KYAT3: variants seen among roughly 807,000 people sequenced by gnomAD.
KYAT3 encodes kynurenine--oxoglutarate transaminase 3.
Under a neutral mutation model 59.0 loss-of-function variants are expected in KYAT3, and 50 were observed. The ratio of observed to expected loss-of-function variants is 0.85; its 90% confidence interval spans 0.68 to 1.07. The LOEUF (loss-of-function observed/expected upper bound fraction) is 1.07, where lower values mean the gene tolerates loss of function less well. Ranked by LOEUF, KYAT3 falls within the 50% of genes least tolerant of loss-of-function variation. KYAT3 has a pLI of 0.00. For missense variants in KYAT3, 497 were observed against 533.3 expected (o/e 0.93, Z 0.67); for synonymous variants, 148 against 177.0 (o/e 0.84, Z 1.30).
At chr1:88,939,841 C>T (rs1468895589) in intron 13 of KYAT3, among the ~76,000 whole-genome samples, 1 of 152,016 alleles carries the variant, frequency 6.6e-6, no homozygotes, top group African/African-American at 2.4e-5. Flanking sequence ...TCTGATAGCT[C>T]CCATTTGATC....
At chr1:88,943,666 A>C (rs2101019002) in intron 11 of KYAT3, among the ~76,000 whole-genome samples, 1 of 152,336 alleles carries the variant, frequency 6.6e-6, no homozygotes, top group Admixed American at 6.5e-5. Context: ...GATTAGGCTT[A>C]TACGTGCAGC....
At chr1:88,955,785 G>A (rs1675888322) in intron 8 of KYAT3, among the ~76,000 whole-genome samples, 1 of 152,148 alleles carries the variant, frequency 6.6e-6, no homozygotes, top group Admixed American at 6.6e-5. Flanking sequence ...CAGACCTACT[G>A]AATCAGAAAC....
the KYAT3 span, among the ~76,000 whole-genome samples, chr1:88,929,225 C>T: frequency 4.6e-5 from 7 of 152,054 alleles, no homozygotes; most frequent in African/African-American, 1.2e-4. Flanking sequence ...TGCAATAGCC[C>T]CTGCAATGCT....
At chr1:88,959,800 C>G (rs766903330) in intron 8 of KYAT3, among the ~76,000 whole-genome samples, 3 of 151,646 alleles carry the variant, frequency 2.0e-5, no homozygotes, top group Admixed American at 6.6e-5. Context: ...GTCGCTTTCT[C>G]TTCCCATCTC....
At chr1:88,930,244 A>T in the KYAT3 span, among the ~76,000 whole-genome samples, 2 of 152,184 alleles carry the variant, frequency 1.3e-5, no homozygotes, top group African/African-American at 4.8e-5. Context: ...TACTGTGTGG[A>T]CATCTCATGA....
chr1:88,945,351 C>T (rs1675399719), intron 11 of KYAT3, among the ~76,000 whole-genome samples: 1 of 152,030 alleles, frequency 6.6e-6, no homozygotes, highest in Admixed American at 6.6e-5. Flanking sequence ...TATGAAGGCC[C>T]AAATTTGTTT....
chr1:88,937,701 T>C (rs890134402), intron 13 of KYAT3, among the ~76,000 whole-genome samples: 1 of 152,054 alleles, frequency 6.6e-6, no homozygotes, highest in Admixed American at 6.5e-5. Context: ...ACATCACTGG[T>C]AATAGGAATA....
At chr1:88,942,593 C>T (rs1447797268) in intron 13 of KYAT3, among the ~76,000 whole-genome samples, 1 of 151,724 alleles carries the variant, frequency 6.6e-6, no homozygotes, top group African/African-American at 2.4e-5. Flanking sequence ...GACGGAGTCG[C>T]GCTCTGTTGC....
In KYAT3 at chr1:88,936,043, GTTAACTGC is replaced by G. The variant is rs1675023705; in HGVS notation, c.*132_*139del. 5 of 600,278 alleles carry G rather than the reference GTTAACTGC, an allele frequency of 8.3e-6. No individual in the cohort carries two copies. The highest frequency in any genetic ancestry group is 1.1e-5 in the Non-Finnish European group (4 of 348,242). The allele number at this position is 600,278 out of a possible 1,614,324, so 37.2% of individuals were successfully genotyped here. A position where few individuals can be genotyped will look rare whatever the true frequency, so the allele number is the denominator to read the frequency against. On this transcript the variant is annotated 3_prime_UTR_variant, in exon 14 of 14. Coordinates refer to ENST00000260508, the MANE Select transcript of KYAT3 (RefSeq NM_001008661.3). ...CCCCGAAAATGTTGTTAGGAGTTGG[GTTAACTGC>G]TTTGGAAAAACAATGGAAATATTTA...
Position 88,961,431 on chromosome 1 carries a change from A to C in KYAT3, c.616T>G (p.Ser206Ala). 2 of 1,613,944 alleles carry C rather than the reference A, an allele frequency of 1.2e-6. No homozygotes were observed. The highest frequency in any genetic ancestry group is 8.5e-7 in the Non-Finnish European group (1 of 1,179,888). Reference protein sequence around the residue: ...DPQELESKFNSKTKAIILNTP... With the variant: ...DPQELESKFNAKTKAIILNTP... ...TTTAGTATAATAGCTTTGGTTTTGG[A>C]ATTAAATTTACTTTCCAGTTCTTGA... Residue 206 changes from serine (S) to alanine (A), a missense_variant, in exon 7 of 14, where the codon TCC becomes GCC. Physicochemically the swap from Ser to Ala is moderately conservative, Grantham distance 99. This residue lies in a region of KYAT3 where 469 missense variants were observed against 479.1 expected (regional missense o/e 0.98). Coordinates refer to ENST00000260508, the MANE Select transcript of KYAT3 (RefSeq NM_001008661.3).
At chr1:88,990,294 A>C (rs1677708805) in intron 1 of KYAT3, among the ~76,000 whole-genome samples, 1 of 142,352 alleles carries the variant, frequency 7.0e-6, no homozygotes, top group Non-Finnish European at 1.6e-5. Flanking sequence ...CAAACAAAAA[A>C]CACAAAAAAT....
chr1:88,935,698 G>T, downstream of KYAT3: 1 of 279,304 alleles, frequency 3.6e-6, no homozygotes, highest in Non-Finnish European at 6.6e-6. Flanking sequence ...AACTACAGGT[G>T]GGTACACAAA....
At chr1:88,967,293 T>G (rs971179014) in intron 4 of KYAT3, among the ~76,000 whole-genome samples, 2 of 152,054 alleles carry the variant, frequency 1.3e-5, no homozygotes, top group African/African-American at 4.8e-5. Flanking sequence ...ACAAAACCAT[T>G]AGGCATTTCT....
chr1:88,955,511 C>T (rs1368185272), intron 8 of KYAT3, among the ~76,000 whole-genome samples: 1 of 152,106 alleles, frequency 6.6e-6, no homozygotes, highest in Non-Finnish European at 1.5e-5. Flanking sequence ...AGGCAGTGTT[C>T]CAGACTGCCT....
intron 2 of KYAT3, among the ~76,000 whole-genome samples, chr1:88,978,189 T>C (rs1676887351): frequency 6.6e-6 from 1 of 152,224 alleles, no homozygotes; most frequent in Non-Finnish European, 1.5e-5. Flanking sequence ...CCTTAGCACT[T>C]GTACCACTTC....
intron 2 of KYAT3, among the ~76,000 whole-genome samples, chr1:88,970,237 A>C (rs1413270157): frequency 6.6e-6 from 1 of 152,198 alleles, no homozygotes; most frequent in East Asian, 1.9e-4. Context: ...GGGTTCCATA[A>C]TTATTGCTAA....
intron 10 of KYAT3, among the ~76,000 whole-genome samples, chr1:88,952,511 C>T (rs1675718935): frequency 6.6e-6 from 1 of 152,114 alleles, no homozygotes; most frequent in Non-Finnish European, 1.5e-5. Flanking sequence ...AAGTGTGTTG[C>T]ACCTCCCCAC....
chr1:88,979,071 A>G (rs74100104), intron 2 of KYAT3, among the ~76,000 whole-genome samples: 4,902 of 152,228 alleles, frequency 0.032, 278 homozygotes, highest in African/African-American at 0.11. Flanking sequence ...TCTCTTAGTT[A>G]TGTGAGAGAA....
the KYAT3 span, chr1:88,923,780 C>G: frequency 7.0e-6 from 2 of 286,870 alleles, no homozygotes; most frequent in Middle Eastern, 8.3e-4. Context: ...AATCCCTCAA[C>G]TAAGAGTCCA....
Sources: allele counts gnomAD v4.1 joint callset (sites outside exome capture counted in the v4.1 genomes callset), GRCh38; gene constraint gnomAD v4.1.1; regional missense constraint gnomAD v4.1.1; transcripts MANE v1.5; gene names NCBI Gene and HGNC (gene_info 2026-07-23, HGNC 2026-07-21).